Variants in KCNH1 observed in about 807,000 individuals in gnomAD.
The protein encoded by KCNH1 is potassium voltage-gated channel subfamily H member 1, also known as voltage-gated delayed rectifier potassium channel KCNH1.
Under a neutral mutation model 69.2 loss-of-function variants are expected in KCNH1, and 27 were observed. The observed-to-expected ratio is 0.39, with a 90% CI of 0.29 to 0.54. KCNH1 has a LOEUF of 0.54. Among genes scored for constraint, KCNH1 ranks in the 20% least tolerant of loss-of-function variants. The pLI, the probability that KCNH1 is intolerant of heterozygous loss-of-function variation, is 0.68. For synonymous variants in KCNH1, 456 were observed against 487.7 expected, an observed-to-expected ratio of 0.93 and a Z score of 0.86; for missense variants, 798 against 1,261.6, an observed-to-expected ratio of 0.63 and a Z score of 5.57.
At chr1:210,982,221 T>TTTATTATTATTA (rs57676423) in intron 6 of KCNH1, among the ~76,000 whole-genome samples, 46 of 131,058 alleles carry the variant, frequency 3.5e-4, no homozygotes, top group African/African-American at 1.3e-3. Context: ...CGAGAATACT[T>TTTATTATTATTA]TTATTATTAT....
Position 210,765,618 on chromosome 1 carries a change from T to C in KCNH1, c.2112+9730A>G, listed in dbSNP as rs537549884. 2.2e-4 allele frequency among the ~76,000 whole-genome samples: 34 copies of C among 152,250 alleles called. 2 individuals carry two copies. The East Asian group carries it at 6.2e-3, about 28-fold the overall frequency. On this transcript the variant is annotated intron_variant, in intron 10 of 10. Coordinates refer to ENST00000271751, the MANE Select transcript of KCNH1 (RefSeq NM_172362.3). The stretch of plus-strand genomic sequence containing the variant: ...ATATTTTATGCTGGCACCAGGGGTA[T>C]CTGCAGAGGCTGAGAGACCTCTACA...
At chr1:211,070,727 C>G (rs1489505188) in intron 5 of KCNH1, among the ~76,000 whole-genome samples, 1 of 150,874 alleles carries the variant, frequency 6.6e-6, no homozygotes, top group African/African-American at 2.4e-5. Context: ...GAGGCTGAGA[C>G]AGGAGAATCG....
chr1:210,694,480 G>A (rs1681595387), intron 10 of KCNH1, among the ~76,000 whole-genome samples: 1 of 152,140 alleles, frequency 6.6e-6, no homozygotes. Flanking sequence ...TCCCATCCAT[G>A]CTGCCTGAGC....
chr1:210,989,512 C>G (rs141074237), intron 6 of KCNH1, among the ~76,000 whole-genome samples: 1 of 152,142 alleles, frequency 6.6e-6, no homozygotes, highest in African/African-American at 2.4e-5. Flanking sequence ...AAGGGCATAC[C>G]CTCTAAAATA....
At chr1:210,705,832 A>C (rs1681897208) in intron 10 of KCNH1, among the ~76,000 whole-genome samples, 1 of 152,090 alleles carries the variant, frequency 6.6e-6, no homozygotes, top group Non-Finnish European at 1.5e-5. Flanking sequence ...GTGTCTCCCC[A>C]GTATCTGGGC....
intron 7 of KCNH1, among the ~76,000 whole-genome samples, chr1:210,877,531 C>T (rs1686404205): frequency 6.6e-6 from 1 of 152,202 alleles, no homozygotes; most frequent in Admixed American, 6.5e-5. Flanking sequence ...AGCAACATTA[C>T]TGACAATGAT....
chr1:210,707,752 G>A (rs1166585632), intron 10 of KCNH1, among the ~76,000 whole-genome samples: 1 of 152,116 alleles, frequency 6.6e-6, no homozygotes. Context: ...AACTCCTACA[G>A]CCAGGCCATT....
chr1:210,967,598 A>G (rs1489322515), intron 6 of KCNH1, among the ~76,000 whole-genome samples: 7 of 151,972 alleles, frequency 4.6e-5, no homozygotes, highest in Non-Finnish European at 1.0e-4. Context: ...TATTCTTCAT[A>G]TTTCCTGATA....
At chr1:211,114,069 T>C (rs1196181673) in intron 1 of KCNH1, among the ~76,000 whole-genome samples, 1 of 151,790 alleles carries the variant, frequency 6.6e-6, no homozygotes. Flanking sequence ...CCAAGTTTCA[T>C]TCAATCCAAG....
intron 5 of KCNH1, among the ~76,000 whole-genome samples, chr1:211,052,134 A>C (rs1690218413): frequency 6.6e-6 from 1 of 152,236 alleles, no homozygotes; most frequent in Admixed American, 6.5e-5. Flanking sequence ...TAATAAATAC[A>C]TACACAAAAC....
chr1:210,857,463 G>A (rs1190960208), intron 7 of KCNH1, among the ~76,000 whole-genome samples: 1 of 152,008 alleles, frequency 6.6e-6, no homozygotes, highest in African/African-American at 2.4e-5. Context: ...TGGGGGTGGG[G>A]GTGAGGGGGA....
intron 4 of KCNH1, among the ~76,000 whole-genome samples, chr1:211,088,186 G>A (rs969571871): frequency 1.3e-5 from 2 of 152,172 alleles, no homozygotes; most frequent in Non-Finnish European, 2.9e-5. Flanking sequence ...GCAATTATCT[G>A]GGAATTTTCT....
At position 210,886,648 on chromosome 1, in the gene KCNH1, GA is replaced by G. The variant is rs950390063; in HGVS notation, c.1462+32991del. 1.1e-4 allele frequency among the ~76,000 whole-genome samples: 17 copies of G among 151,960 alleles called. 1 individual carries two copies. In the South Asian group the frequency reaches 3.1e-3, roughly 28 times the overall value. On this transcript the variant is annotated intron_variant, in intron 7 of 10. Coordinates refer to ENST00000271751, the MANE Select transcript of KCNH1 (RefSeq NM_172362.3). ...CCAATGCAAGGAAGCTAAGAACCTT[GA>G]AAAAAAGTTGGATGAATTGCTAACT...
At chr1:210,858,945 C>G (rs778690485) in intron 7 of KCNH1, 13 of 462,414 alleles carry the variant, frequency 2.8e-5, no homozygotes, top group African/African-American at 2.1e-4. Context: ...AAATACACCC[C>G]CTAAGGTACC....
chr1:211,108,889 G>A (rs897142839), intron 1 of KCNH1, among the ~76,000 whole-genome samples: 1 of 152,146 alleles, frequency 6.6e-6, no homozygotes, highest in Non-Finnish European at 1.5e-5. Flanking sequence ...CAAGCACAAT[G>A]CAAGACCCTG....
chr1:210,810,646 A>G (rs1277174018), intron 7 of KCNH1, among the ~76,000 whole-genome samples: 1 of 152,088 alleles, frequency 6.6e-6, no homozygotes, highest in Non-Finnish European at 1.5e-5. Flanking sequence ...TTTAATTTCC[A>G]TGAGATTTTT....
chr1:210,948,548 G>A (rs562585727), intron 6 of KCNH1, among the ~76,000 whole-genome samples: 5 of 152,036 alleles, frequency 3.3e-5, no homozygotes, highest in African/African-American at 1.2e-4. Flanking sequence ...TCTAGATGGA[G>A]GTGGGGCACA....
intron 6 of KCNH1, among the ~76,000 whole-genome samples, chr1:210,922,453 C>T (rs1045822458): frequency 3.1e-5 from 4 of 128,590 alleles, no homozygotes; most frequent in Non-Finnish European, 6.9e-5. Context: ...AAACGTTCAA[C>T]AGAAATGATA....
intron 10 of KCNH1, among the ~76,000 whole-genome samples, chr1:210,728,332 A>C (rs1258732939): frequency 6.6e-6 from 1 of 152,184 alleles, no homozygotes; most frequent in Non-Finnish European, 1.5e-5. Flanking sequence ...TGCCTGGCAC[A>C]TAAGGAATTC....
Sources: allele counts gnomAD v4.1 joint callset (sites outside exome capture counted in the v4.1 genomes callset), GRCh38; gene constraint gnomAD v4.1.1; transcripts MANE v1.5; gene names NCBI Gene and HGNC (gene_info 2026-07-23, HGNC 2026-07-21).